Variants in SLC39A11 observed in about 807,000 individuals in gnomAD.
The protein encoded by SLC39A11 is solute carrier family 39 member 11.
Under a neutral mutation model 36.1 loss-of-function variants are expected in SLC39A11, and 33 were observed. The ratio of observed to expected loss-of-function variants is 0.91; its 90% CI spans 0.69 to 1.22. The LOEUF (loss-of-function observed/expected upper bound fraction) is 1.22. SLC39A11 is among the 50% of genes most tolerant of loss of function. The pLI, the probability that SLC39A11 is intolerant of heterozygous loss-of-function variation, is 0.00. For synonymous variants in SLC39A11, 166 were observed against 170.3 expected, an observed-to-expected ratio of 0.97 and a Z score of 0.20; for missense variants, 432 against 430.3, an observed-to-expected ratio of 1.00 and a Z score of -0.03.
At chr17:73,049,775 A>T (rs1468942934) in intron 3 of SLC39A11, among the ~76,000 whole-genome samples, 5 of 152,198 alleles carry the variant, frequency 3.3e-5, no homozygotes, top group African/African-American at 1.2e-4. Context: ...ACTGGCCATA[A>T]ACAAGAAAGC....
At chr17:72,887,334 G>A (rs4502282) in intron 5 of SLC39A11, among the ~76,000 whole-genome samples, 52,411 of 152,004 alleles carry the variant, frequency 0.34, 9,482 homozygotes, top group East Asian at 0.71. Context: ...CAACAGGACA[G>A]AGAAAGTGCA....
intron 6 of SLC39A11, among the ~76,000 whole-genome samples, chr17:72,841,130 C>T (rs1221160399): frequency 1.3e-5 from 2 of 152,168 alleles, no homozygotes; most frequent in Admixed American, 1.3e-4. Flanking sequence ...GGGCAGGTAC[C>T]CAATGCACCA....
intron 8 of SLC39A11, 78 bp from the exon 9 acceptor site, chr17:72,649,039 C>T: frequency 6.4e-7 from 1 of 1,560,740 alleles, no homozygotes; most frequent in Middle Eastern, 1.7e-4. Flanking sequence ...GTTGGCTCAA[C>T]CCTAGCACAT....
intron 7 of SLC39A11, among the ~76,000 whole-genome samples, chr17:72,700,156 T>A (rs964680246): frequency 1.3e-5 from 2 of 152,170 alleles, no homozygotes; most frequent in African/African-American, 4.8e-5. Context: ...TGGCGGGAGA[T>A]GGGCAAAGTT....
intron 5 of SLC39A11, among the ~76,000 whole-genome samples, chr17:72,935,716 G>A (rs1002580770): frequency 3.3e-5 from 5 of 152,112 alleles, no homozygotes; most frequent in Admixed American, 2.6e-4. Flanking sequence ...CTGAGTAGCT[G>A]GGATTACAGG....
In SLC39A11 at chr17:72,776,653, C is replaced by T. The variant is rs192147064; in HGVS notation, c.602-39934G>A. Among the ~76,000 whole-genome samples, 180 of 147,666 alleles carry T rather than the reference C, an allele frequency of 1.2e-3. 1 individual carries two copies. The highest frequency in any genetic ancestry group is 2.4e-3 in the Admixed American group (36 of 14,730). Reference sequence around the variant, plus strand: ...AACAGAAGACAGGCTGTTGGTAATCCAGCTGCTAGACAGAGGAAGAGAGAG... The same window carrying T: ...AACAGAAGACAGGCTGTTGGTAATCTAGCTGCTAGACAGAGGAAGAGAGAG... On this transcript the variant is annotated intron_variant, in intron 6 of 9. Coordinates refer to ENST00000255559, the MANE Select transcript of SLC39A11 (RefSeq NM_139177.4).
chr17:72,721,399 GA>G (rs1266663950), intron 7 of SLC39A11, among the ~76,000 whole-genome samples: 3 of 152,134 alleles, frequency 2.0e-5, no homozygotes, highest in South Asian at 2.1e-4. Context: ...GTCCGGTCTT[GA>G]CTGCTGCCCT....
At chr17:73,083,193 C>G (rs1453682565) in intron 3 of SLC39A11, among the ~76,000 whole-genome samples, 1 of 152,076 alleles carries the variant, frequency 6.6e-6, no homozygotes, top group Non-Finnish European at 1.5e-5. Flanking sequence ...GAAAGGGAAG[C>G]TGTGCCAAGG....
chr17:73,027,016 G>A (rs1021081094), intron 4 of SLC39A11, among the ~76,000 whole-genome samples: 1 of 152,080 alleles, frequency 6.6e-6, no homozygotes, highest in African/African-American at 2.4e-5. Flanking sequence ...CAGCTATTCA[G>A]GAGGCTGAGG....
At chr17:72,923,816 G>C (rs1445203091) in intron 5 of SLC39A11, among the ~76,000 whole-genome samples, 2 of 152,044 alleles carry the variant, frequency 1.3e-5, no homozygotes, top group African/African-American at 4.8e-5. Flanking sequence ...CTTAACAATT[G>C]CAAGATACAA....
rs1567912223 is a variant in SLC39A11, at chr17:72,900,149, AAAGAAAAGAAAGAAAGAAAGAAAG to A, written c.430+47579_430+47602del. Among the ~76,000 whole-genome samples, 1,116 of 114,078 alleles carry A rather than the reference AAAGAAAAGAAAGAAAGAAAGAAAG, an allele frequency of 9.8e-3. 100 individuals are homozygous for A. The highest frequency in any genetic ancestry group is 0.013 in the Non-Finnish European group (749 of 56,150). The allele number at this position is 114,078 out of a possible 152,430, so 74.8% of individuals were successfully genotyped here. On this transcript the variant is annotated intron_variant, in intron 5 of 9. Coordinates refer to ENST00000255559, the MANE Select transcript of SLC39A11 (RefSeq NM_139177.4). ...AAGAAAGAAAGAAAGAAAAAGAAAGAAAGAAAAGAAAGAAAGAAAGAAAGAAAGAAAGAAAGAAAGAAAGAAAGA... is the reference window on the plus strand; with the variant it reads ...AAGAAAGAAAGAAAGAAAAAGAAAGAAAAGAAAGAAAGAAAGAAAGAAAGA...
intron 4 of SLC39A11, among the ~76,000 whole-genome samples, chr17:72,966,159 G>A (rs568289019): frequency 8.5e-5 from 13 of 152,316 alleles, no homozygotes; most frequent in African/African-American, 3.1e-4. Context: ...CAAGGGAGGC[G>A]CAGGCTGGCA....
intron 4 of SLC39A11, among the ~76,000 whole-genome samples, chr17:72,948,468 G>T (rs1156827919): frequency 6.6e-6 from 1 of 152,200 alleles, no homozygotes; most frequent in African/African-American, 2.4e-5. Flanking sequence ...AAGTCCATAT[G>T]GCAGGTTCAC....
intron 7 of SLC39A11, among the ~76,000 whole-genome samples, chr17:72,729,480 TAGAGACAGGG>T (rs1365788741): frequency 9.7e-4 from 83 of 85,444 alleles, no homozygotes; most frequent in East Asian, 3.6e-3. Context: ...TTTTTTTTTG[TAGAGACAGGG>T]TTTCATCATG....
intron 7 of SLC39A11, among the ~76,000 whole-genome samples, chr17:72,667,792 G>C (rs1005437548): frequency 6.6e-6 from 1 of 152,230 alleles, no homozygotes; most frequent in Non-Finnish European, 1.5e-5. Flanking sequence ...CACTGTTCAT[G>C]CATCTTCTCA....
intron 5 of SLC39A11, among the ~76,000 whole-genome samples, chr17:72,919,343 C>A (rs2083506942): frequency 6.6e-6 from 1 of 151,988 alleles, no homozygotes; most frequent in African/African-American, 2.4e-5. Context: ...CCAAGCAAAC[C>A]ACTTTACCAT....
intron 4 of SLC39A11, among the ~76,000 whole-genome samples, chr17:72,989,852 T>G (rs2089043817): frequency 6.6e-6 from 1 of 152,216 alleles, no homozygotes; most frequent in Non-Finnish European, 1.5e-5. Context: ...ACGAAACTTA[T>G]TTAGGGACAT....
chr17:72,658,367 G>A (rs1464385458), intron 7 of SLC39A11, among the ~76,000 whole-genome samples: 1 of 152,182 alleles, frequency 6.6e-6, no homozygotes, highest in Non-Finnish European at 1.5e-5. Flanking sequence ...TCCCATCCGG[G>A]TGCTAGGTAA....
intron 4 of SLC39A11, among the ~76,000 whole-genome samples, chr17:72,976,217 A>T (rs2087840510): frequency 6.7e-6 from 1 of 148,590 alleles, no homozygotes; most frequent in Non-Finnish European, 1.5e-5. Context: ...TAGCATTCTT[A>T]TGAAAATTAA....
Sources: allele counts gnomAD v4.1 joint callset (sites outside exome capture counted in the v4.1 genomes callset), GRCh38; gene constraint gnomAD v4.1.1; transcripts MANE v1.5; gene names NCBI Gene and HGNC (gene_info 2026-07-23, HGNC 2026-07-21).